The following P2RX5 variants were observed in gnomAD, a reference collection of about 807,000 sequenced individuals.
P2RX5 encodes the protein P2X purinoceptor 5.
A neutral mutation model predicts 54.1 loss-of-function variants in P2RX5; 46 were observed. The ratio of observed to expected loss-of-function variants is 0.85; its 90% CI spans 0.67 to 1.09. The LOEUF is 1.09. P2RX5 is among the 50% of genes least tolerant of loss of function. The pLI, the probability that P2RX5 is intolerant of heterozygous loss-of-function variation, is 0.00. For synonymous variants in P2RX5, 226 were observed against 226.4 expected, an observed-to-expected ratio of 1.00 and a Z score of 0.02; for missense variants, 566 against 549.8, an observed-to-expected ratio of 1.03 and a Z score of -0.29.
At chr17:3,690,726 C>G (rs1470737493) in intron 3 of P2RX5, 46 bp from the exon 4 acceptor site, 2 of 1,578,272 alleles carry the variant, frequency 1.3e-6, no homozygotes, top group Non-Finnish European at 1.7e-6. Flanking sequence ...TCCCCCAGCT[C>G]AGAGCCGGGT....
Position 3,690,081 on chromosome 17 carries a change from G to A in P2RX5, c.603C>T (p.Phe201=), listed in dbSNP as rs267604840. 1.4e-5 allele frequency: 23 copies of A among 1,614,022 alleles called. No individual in the cohort carries two copies. In the South Asian group the frequency reaches 2.2e-4, roughly 15 times the overall value. The change falls in exon 6 of 12, where the codon TTC becomes TTT. Residue 201 remains phenylalanine, a synonymous_variant. Coordinates refer to ENST00000225328, the MANE Select transcript of P2RX5 (RefSeq NM_002561.4). The stretch of plus-strand genomic sequence containing the variant: ...CCAAGCCCACGTACTTGGAGAAGTT[G>A]AATTTGGGGAAACGGATGTGGTTCT... The part of the protein sequence containing the change: ...FIKNHIRFPK[F]NFSKSNVMDV...
At chr17:3,700,393 C>T (rs2050809488), upstream of P2RX5, among the ~76,000 whole-genome samples, 1 of 152,088 alleles carries the variant, frequency 6.6e-6, no homozygotes, top group Non-Finnish European at 1.5e-5. Flanking sequence ...ATTAGCCGGG[C>T]CTGGTGGCAC....
intron 1 of P2RX5, among the ~76,000 whole-genome samples, chr17:3,693,821 ATTC>A (rs893141131): frequency 7.2e-5 from 11 of 151,994 alleles, no homozygotes; most frequent in Admixed American, 3.3e-4. Flanking sequence ...TCTCAGAAGC[ATTC>A]TTCTTCTTTT....
the P2RX5 span, chr17:3,716,986 A>G: frequency 5.6e-6 from 3 of 531,962 alleles, no homozygotes; most frequent in East Asian, 3.2e-5. Flanking sequence ...AAACTATCCA[A>G]TCACCCAAAT....
At chr17:3,714,885 G>C in the P2RX5 span, 2 of 1,611,054 alleles carry the variant, frequency 1.2e-6, no homozygotes, top group Non-Finnish European at 1.7e-6. Context: ...GATTTCAGCT[G>C]GGCCTTCCTG....
chr17:3,676,470 C>T (rs1023692651), intron 11 of P2RX5: 42 of 983,966 alleles, frequency 4.3e-5, no homozygotes, highest in Non-Finnish European at 4.8e-5. Context: ...AACTTTGAAT[C>T]ATGTAAGTAT....
In P2RX5 at chr17:3,673,761, T is replaced by G. The variant is rs1323444081; in HGVS notation, c.*107A>C. On this transcript the variant is annotated 3_prime_UTR_variant, in exon 12 of 12. Coordinates refer to ENST00000225328, the MANE Select transcript of P2RX5 (RefSeq NM_002561.4). Reference sequence around the variant, plus strand: ...GTGATGTGGCATTGATAGCACCCAATGTACAAATTTCCCGTTGGGCAGCAT... The same window carrying G: ...GTGATGTGGCATTGATAGCACCCAAGGTACAAATTTCCCGTTGGGCAGCAT... The G allele has an allele frequency of 1.2e-6, 2 of 1,610,722 alleles. No individual in the cohort carries two copies. The highest frequency in any genetic ancestry group is 1.3e-5 in the African/African-American group (1 of 74,812).
chr17:3,674,747 C>A (rs1452514577), intron 11 of P2RX5, among the ~76,000 whole-genome samples: 7 of 152,178 alleles, frequency 4.6e-5, no homozygotes, highest in Non-Finnish European at 1.5e-5. Flanking sequence ...GGAATGCTTC[C>A]CCCTCACCTA....
chr17:3,680,316 T>G, intron 10 of P2RX5, among the ~76,000 whole-genome samples: 1 of 67,922 alleles, frequency 1.5e-5, no homozygotes, highest in Non-Finnish European at 2.8e-5. Flanking sequence ...CCACCCTGCA[T>G]CCTCCACCCT....
chr17:3,720,411 T>TG, the P2RX5 span: 1 of 1,278,654 alleles, frequency 7.8e-7, no homozygotes, highest in Non-Finnish European at 1.1e-6. Flanking sequence ...AACTAGAAGA[T>TG]GGGGAAAGGA....
At chr17:3,692,059 C>T (rs1291266165) in intron 1 of P2RX5, 6 of 495,194 alleles carry the variant, frequency 1.2e-5, no homozygotes, top group Admixed American at 3.3e-5. Context: ...CAGTGGCTCA[C>T]GCCTATAATC....
chr17:3,698,602 T>C (rs565622774), upstream of P2RX5, among the ~76,000 whole-genome samples: 1 of 152,194 alleles, frequency 6.6e-6, no homozygotes, highest in Non-Finnish European at 1.5e-5. Context: ...GAGGCTGAAC[T>C]GCCAGGCACT....
At chr17:3,679,465 G>A in intron 11 of P2RX5, 125 bp downstream of exon 11, 1 of 828,722 alleles carries the variant, frequency 1.2e-6, no homozygotes, top group East Asian at 2.7e-5. Flanking sequence ...TAGATGTCCT[G>A]CCTTGTGGCC....
At chr17:3,698,814 A>G (rs1028134437), upstream of P2RX5, among the ~76,000 whole-genome samples, 1 of 152,128 alleles carries the variant, frequency 6.6e-6, no homozygotes, top group African/African-American at 2.4e-5. Context: ...GGACAGGACC[A>G]GGCCCATCCT....
chr17:3,710,701 G>A, the P2RX5 span, among the ~76,000 whole-genome samples: 2 of 151,932 alleles, frequency 1.3e-5, no homozygotes, highest in African/African-American at 4.8e-5. Flanking sequence ...GCCGAGGTGA[G>A]CGGATCACTT....
chr17:3,694,630 C>G (rs2050707319), intron 1 of P2RX5, among the ~76,000 whole-genome samples: 1 of 152,228 alleles, frequency 6.6e-6, no homozygotes, highest in African/African-American at 2.4e-5. Context: ...AGACCCCGAA[C>G]CATGCTACCA....
At chr17:3,700,038 T>G (rs1011394337), upstream of P2RX5, among the ~76,000 whole-genome samples, 2 of 152,186 alleles carry the variant, frequency 1.3e-5, no homozygotes, top group Middle Eastern at 3.2e-3. Flanking sequence ...TGTCCACATA[T>G]GGCATTGTGA....
chr17:3,694,300 T>A (rs567005156), intron 1 of P2RX5, among the ~76,000 whole-genome samples: 2 of 150,334 alleles, frequency 1.3e-5, no homozygotes, highest in South Asian at 4.2e-4. Context: ...GGCAAATCCA[T>A]AGAGACAGAT....
In P2RX5 at chr17:3,676,746, C is replaced by T. The variant is rs1045087122; in HGVS notation, c.1259+2844G>A. The stretch of plus-strand genomic sequence containing the variant: ...TGGGACCTGCATTTCTAGCAGGCTC[C>T]GGTCCCTGGACCCCACTTTAAATAG... On this transcript the variant is annotated intron_variant, in intron 11 of 11. Coordinates refer to ENST00000225328, the MANE Select transcript of P2RX5 (RefSeq NM_002561.4). 2.6e-5 allele frequency: 6 copies of T among 232,716 alleles called. No individual in the cohort carries two copies. The East Asian group carries it at 5.3e-4, about 21-fold the overall frequency. 14.4% of individuals were successfully genotyped at this position (232,716 alleles called of 1,614,324 possible).
Sources: gnomAD v4.1 joint callset for allele counts (sites outside exome capture counted in the v4.1 genomes callset) on GRCh38, gnomAD v4.1.1 for gene constraint, MANE v1.5 for transcripts, NCBI Gene and HGNC (gene_info 2026-07-23, HGNC 2026-07-21) for gene names.